Variants in SV2C observed in about 807,000 individuals in gnomAD.
SV2C encodes the protein solute carrier family 22 member B3.
A neutral mutation model predicts 79.7 loss-of-function variants in SV2C; 49 were observed. The observed-to-expected ratio is 0.61, with a 90% CI of 0.49 to 0.78. SV2C has a LOEUF of 0.78. SV2C is among the 30% of genes least tolerant of loss of function. The pLI is 0.00. For synonymous variants in SV2C, 334 were observed against 333.2 expected, an observed-to-expected ratio of 1.00 and a Z score of -0.03; for missense variants, 833 against 912.9, an observed-to-expected ratio of 0.91 and a Z score of 1.13.
intron 6 of SV2C, among the ~76,000 whole-genome samples, chr5:76,289,418 T>A (rs1747472795): frequency 6.6e-6 from 1 of 152,132 alleles, no homozygotes; most frequent in Non-Finnish European, 1.5e-5. Context: ...AATGGCATCT[T>A]TGGGCAGTGA....
At chr5:76,008,578 A>G in the SV2C span, among the ~76,000 whole-genome samples, 1 of 152,110 alleles carries the variant, frequency 6.6e-6, no homozygotes, top group South Asian at 2.1e-4. Flanking sequence ...TGGCTTTGCC[A>G]TAAAAATATG....
the SV2C span, chr5:75,921,510 G>A: frequency 1.2e-6 from 1 of 806,132 alleles, no homozygotes; most frequent in Non-Finnish European, 2.2e-6. Flanking sequence ...GCAATGGCCA[G>A]GGCTGTGACA....
At chr5:75,889,463 G>T in the SV2C span, among the ~76,000 whole-genome samples, 1 of 152,080 alleles carries the variant, frequency 6.6e-6, no homozygotes, top group Non-Finnish European at 1.5e-5. Context: ...GTATTCCATG[G>T]TGTATATGTG....
the SV2C span, among the ~76,000 whole-genome samples, chr5:75,939,525 A>T: frequency 2.6e-5 from 4 of 151,884 alleles, no homozygotes; most frequent in Non-Finnish European, 5.9e-5. Flanking sequence ...CAAAATATGA[A>T]TTTTTTTGCG....
At chr5:76,342,903 G>A (rs1436945630) in intron 12 of SV2C, among the ~76,000 whole-genome samples, 20 of 100,000 alleles carry the variant, frequency 2.0e-4, no homozygotes, top group African/African-American at 2.8e-4. Context: ...TTTTTTTTTT[G>A]ATAGAGATGG....
chr5:76,131,950 G>T lies in SV2C; in HGVS notation c.200G>T (p.Gly67Val). 1 of 1,614,076 alleles carries T rather than the reference G, an allele frequency of 6.2e-7. No individual in the cohort carries two copies. Among genetic ancestry groups the T allele is most frequent in the Non-Finnish European group, 8.5e-7 (1 of 1,179,994 alleles). The change falls in exon 2 of 13, where the codon GGT becomes GTT. Residue 67 changes from glycine to valine, a missense_variant. Coordinates refer to ENST00000502798, the MANE Select transcript of SV2C (RefSeq NM_014979.4). Reference protein sequence around the residue: ...DYYPAGETYNGEANDDEGSSE... With the variant: ...DYYPAGETYNVEANDDEGSSE... ...TACCCGGCTGGAGAAACCTATAATGGTGAGGCCAACGATGACGAAGGCTCA... is the reference window on the plus strand; with the variant it reads ...TACCCGGCTGGAGAAACCTATAATGTTGAGGCCAACGATGACGAAGGCTCA...
rs766602017 is a variant in SV2C, at chr5:76,254,257, T to TAGAG, written c.914-30891_914-30888dup. Among the ~76,000 whole-genome samples the TAGAG allele has an allele frequency of 3.2e-3, 485 of 149,394 alleles. 4 individuals are homozygous for TAGAG. The highest frequency in any genetic ancestry group is 0.012 in the African/African-American group (465 of 40,352). The stretch of plus-strand genomic sequence containing the variant: ...GTGTGTGTGTATATATATATATATA[T>TAGAG]AGAGAGAGAGAGAGAGATATTAAAA... On this transcript the variant is annotated intron_variant, in intron 4 of 12. Coordinates refer to ENST00000502798, the MANE Select transcript of SV2C (RefSeq NM_014979.4).
At chr5:75,871,909 A>C in the SV2C span, among the ~76,000 whole-genome samples, 1 of 147,784 alleles carries the variant, frequency 6.8e-6, no homozygotes, top group Non-Finnish European at 1.5e-5. Context: ...TTTAGGGTAC[A>C]TGTGCACAAT....
chr5:76,309,599 CAAAAAAAAAA>C (rs769865757), intron 12 of SV2C, among the ~76,000 whole-genome samples: 24 of 18,706 alleles, frequency 1.3e-3, no homozygotes, highest in African/African-American at 2.8e-3. Context: ...AACTCCATCT[CAAAAAAAAAA>C]AAAAAAAAAA....
chr5:76,084,564 C>T (rs1747108568), intron 1 of SV2C, among the ~76,000 whole-genome samples: 1 of 82,220 alleles, frequency 1.2e-5, no homozygotes, highest in South Asian at 3.4e-4. Context: ...GGACCTTAGG[C>T]GGCGCGCGGG....
intron 8 of SV2C, among the ~76,000 whole-genome samples, chr5:76,294,137 C>G (rs1747657786): frequency 6.6e-6 from 1 of 152,124 alleles, no homozygotes. Context: ...GGGACCTTAT[C>G]TTATCTTAGG....
intron 2 of SV2C, among the ~76,000 whole-genome samples, chr5:76,191,386 A>G (rs926250733): frequency 6.6e-6 from 1 of 152,218 alleles, no homozygotes; most frequent in Admixed American, 6.5e-5. Context: ...AAATCAGTTT[A>G]TAAATAAATG....
At chr5:76,218,031 A>G (rs545811362) in intron 4 of SV2C, among the ~76,000 whole-genome samples, 33 of 152,340 alleles carry the variant, frequency 2.2e-4, no homozygotes, top group African/African-American at 4.3e-4. Flanking sequence ...GCCAAGCTCT[A>G]TCGCAGCACC....
chr5:75,882,489 A>C, the SV2C span, among the ~76,000 whole-genome samples: 1 of 151,898 alleles, frequency 6.6e-6, no homozygotes. Flanking sequence ...ATGCTACCTG[A>C]CTTCAAACTA....
the SV2C span, among the ~76,000 whole-genome samples, chr5:76,025,473 C>T: frequency 2.6e-5 from 4 of 152,280 alleles, no homozygotes; most frequent in East Asian, 7.7e-4. Flanking sequence ...TACCTAACAC[C>T]TTAAACATCA....
chr5:76,088,072 C>T (rs1046990816), intron 1 of SV2C, among the ~76,000 whole-genome samples: 2 of 152,156 alleles, frequency 1.3e-5, no homozygotes, highest in African/African-American at 4.8e-5. Flanking sequence ...ACATGAGCCC[C>T]AAACCACTTC....
chr5:76,191,589 A>G (rs1744104740), intron 2 of SV2C, among the ~76,000 whole-genome samples: 1 of 152,236 alleles, frequency 6.6e-6, no homozygotes, highest in South Asian at 2.1e-4. Context: ...GATTGTCAGA[A>G]AGAATCTAAA....
chr5:75,937,617 G>A, the SV2C span, among the ~76,000 whole-genome samples: 1 of 152,148 alleles, frequency 6.6e-6, no homozygotes, highest in South Asian at 2.1e-4. Context: ...GCAGAAGTGG[G>A]AGGATTTCTT....
intron 2 of SV2C, among the ~76,000 whole-genome samples, chr5:76,182,739 A>G (rs1743776191): frequency 6.6e-6 from 1 of 152,124 alleles, no homozygotes; most frequent in Non-Finnish European, 1.5e-5. Context: ...CTATTCCTGC[A>G]TTGCTATAAA....
Sources: allele counts gnomAD v4.1 joint callset (sites outside exome capture counted in the v4.1 genomes callset), GRCh38; gene constraint gnomAD v4.1.1; transcripts MANE v1.5; gene names NCBI Gene and HGNC (gene_info 2026-07-23, HGNC 2026-07-21).